ASIC5: variants seen among roughly 807,000 people sequenced by gnomAD.
ASIC5 encodes acid sensing ion channel subunit family member 5.
In ASIC5, 52 loss-of-function variants were observed where a neutral mutation model predicts 51.2. That is an observed-to-expected ratio of 1.02 (90% CI 0.81 to 1.28). The LOEUF is 1.28. ASIC5 is among the 50% of genes most tolerant of loss of function. The pLI is 0.00. For missense variants in ASIC5, 635 were observed against 595.0 expected (o/e 1.07, Z -0.70); for synonymous variants, 231 against 200.7 (o/e 1.15, Z -1.28).
At chr4:155,859,526 T>G (rs1485833896) in intron 2 of ASIC5, among the ~76,000 whole-genome samples, 1 of 152,066 alleles carries the variant, frequency 6.6e-6, no homozygotes, top group East Asian at 1.9e-4. Flanking sequence ...GTCCATTTTC[T>G]ACTCACAAGG....
At position 155,838,849 on chromosome 4, in the gene ASIC5, G is replaced by C. The variant is rs201116964; in HGVS notation, c.1030C>G (p.Leu344Val). 1 of 1,581,418 alleles carries C rather than the reference G, an allele frequency of 6.3e-7. No homozygotes were observed. Among genetic ancestry groups the C allele is most frequent in the East Asian group, 2.3e-5 (1 of 44,358 alleles). ...GAAACACAGCTGAAGTACTTTTGTA[G>C]GTCACATTCTATCCCATATCCTTAA... is the stretch of plus-strand genomic sequence containing the variant. ...LLPGYGIECD[L>V]QKYFSCVSPV... The change falls in exon 7 of 10, where the codon CTA (leucine) becomes GTA (valine). Residue 344 changes from leucine to valine, a missense_variant. By Grantham distance (32) the Leu-to-Val change is conservative. Transcript: ENST00000537611.
intron 4 of ASIC5, among the ~76,000 whole-genome samples, chr4:155,850,455 G>A (rs531668337): frequency 1.5e-3 from 231 of 152,136 alleles, no homozygotes; most frequent in African/African-American, 5.2e-3. Context: ...AGGACTTCCT[G>A]AGGCTGTGTC....
intron 3 of ASIC5, among the ~76,000 whole-genome samples, chr4:155,852,861 G>T (rs1741416179): frequency 6.6e-6 from 1 of 151,960 alleles, no homozygotes; most frequent in Non-Finnish European, 1.5e-5. Context: ...TCTTTGGTGA[G>T]ATTATTAAGT....
At chr4:155,854,564 T>C (rs1367684883) in intron 2 of ASIC5, among the ~76,000 whole-genome samples, 2 of 152,080 alleles carry the variant, frequency 1.3e-5, no homozygotes, top group Non-Finnish European at 2.9e-5. Context: ...ACCTAATGGA[T>C]CTTCAAGATT....
chr4:155,844,518 T>C (rs767809150), intron 4 of ASIC5, among the ~76,000 whole-genome samples: 4 of 152,070 alleles, frequency 2.6e-5, no homozygotes, highest in Non-Finnish European at 5.9e-5. Context: ...CTGATGTTAA[T>C]TTCTGCTTAC....
Position 155,859,132 on chromosome 4 carries a change from G to C in ASIC5, c.347+4316C>G, listed in dbSNP as rs149626987. ...AAAATGGGAAGCAGTTGTGTGTGAC[G>C]CAGTTCCCAAGCTTAACTTTTCCCT... On this transcript the variant is annotated intron_variant, in intron 2 of 9. Transcript: ENST00000537611. 2.6e-5 allele frequency among the ~76,000 whole-genome samples: 4 copies of C among 152,062 alleles called. No individual in the cohort carries two copies. The East Asian group carries it at 7.8e-4, about 30-fold the overall frequency.
intron 6 of ASIC5, among the ~76,000 whole-genome samples, chr4:155,839,934 T>C (rs1222902669): frequency 1.3e-5 from 2 of 152,148 alleles, no homozygotes; most frequent in African/African-American, 2.4e-5. Context: ...GTTTTGGAGA[T>C]TGCTTCCTCA....
chr4:155,841,329 A>G (rs995008662), intron 6 of ASIC5, among the ~76,000 whole-genome samples: 22 of 152,276 alleles, frequency 1.4e-4, no homozygotes, highest in Admixed American at 6.5e-5. Context: ...CATAGACTAT[A>G]TTCTGTGCCA....
At chr4:155,859,514 G>A (rs1011070822) in intron 2 of ASIC5, among the ~76,000 whole-genome samples, 6 of 151,840 alleles carry the variant, frequency 4.0e-5, no homozygotes, top group Admixed American at 6.6e-5. Flanking sequence ...TTCATCTCAG[G>A]TGTCCATTTT....
intron 4 of ASIC5, among the ~76,000 whole-genome samples, chr4:155,846,830 T>C (rs1384240546): frequency 6.6e-6 from 1 of 151,970 alleles, no homozygotes. Context: ...TTCCAATAAA[T>C]ATATATTATA....
intron 1 of ASIC5, among the ~76,000 whole-genome samples, chr4:155,865,569 T>A (rs978524988): frequency 3.3e-5 from 5 of 152,112 alleles, no homozygotes; most frequent in African/African-American, 9.7e-5. Context: ...CCCAAAACAT[T>A]TAACTTTCAA....
At chr4:155,832,126 G>A (rs1740884706) in intron 8 of ASIC5, among the ~76,000 whole-genome samples, 1 of 152,112 alleles carries the variant, frequency 6.6e-6, no homozygotes, top group South Asian at 2.1e-4. Flanking sequence ...ATAATTTTCT[G>A]CACCTCATTC....
At chr4:155,838,912 T>TA in intron 6 of ASIC5, 43 bp from the exon 7 acceptor site, 1 of 1,122,866 alleles carries the variant, frequency 8.9e-7, no homozygotes, top group Middle Eastern at 2.0e-4. Context: ...TTACATTTTG[T>TA]AAAATAAGTG....
intron 8 of ASIC5, among the ~76,000 whole-genome samples, chr4:155,835,381 T>C (rs1472341018): frequency 6.8e-6 from 1 of 146,602 alleles, no homozygotes; most frequent in African/African-American, 2.6e-5. Flanking sequence ...AATCAGAGAA[T>C]TCTCCCGTTT....
chr4:155,856,792 C>G (rs1370090528), intron 2 of ASIC5, among the ~76,000 whole-genome samples: 1 of 152,046 alleles, frequency 6.6e-6, no homozygotes, highest in Non-Finnish European at 1.5e-5. Flanking sequence ...CTCCAAAACC[C>G]TACAACTGTG....
chr4:155,865,465 C>T (rs1417247252), intron 1 of ASIC5, among the ~76,000 whole-genome samples: 1 of 152,014 alleles, frequency 6.6e-6, no homozygotes, highest in African/African-American at 2.4e-5. Flanking sequence ...TAACTTGTAC[C>T]ATTCCTAGAA....
intron 1 of ASIC5, chr4:155,864,890 T>A (rs1309082243): frequency 6.6e-6 from 1 of 152,130 alleles, no homozygotes. Flanking sequence ...TGGCTTTATA[T>A]ATGTTCATAA....
At chr4:155,835,582 G>A (rs1322265574) in intron 8 of ASIC5, among the ~76,000 whole-genome samples, 1 of 152,104 alleles carries the variant, frequency 6.6e-6, no homozygotes, top group African/African-American at 2.4e-5. Context: ...CACAGGAAGT[G>A]CTCTTCTAAG....
At chr4:155,863,265 G>T (rs759382950) in intron 2 of ASIC5, among the ~76,000 whole-genome samples, 183 bp downstream of exon 2, 149 of 152,104 alleles carry the variant, frequency 9.8e-4, no homozygotes, top group Non-Finnish European at 1.9e-3. Context: ...ATAAGTGAAA[G>T]AAGAAATTAA....
Sources: gnomAD v4.1 joint callset for allele counts (sites outside exome capture counted in the v4.1 genomes callset) on GRCh38, gnomAD v4.1.1 for gene constraint, MANE v1.5 for transcripts, NCBI Gene and HGNC (gene_info 2026-07-23, HGNC 2026-07-21) for gene names.